Variants in RPAP3 observed in about 807,000 individuals in gnomAD.
RPAP3 encodes RNA polymerase II associated protein 3.
A neutral mutation model predicts 88.8 loss-of-function variants in RPAP3; 58 were observed. The observed-to-expected ratio is 0.65, with a 90% CI of 0.53 to 0.81. RPAP3 has a LOEUF of 0.81. RPAP3 is among the 40% of genes least tolerant of loss of function. The pLI is 0.00. For missense variants in RPAP3, 751 were observed against 764.3 expected, an observed-to-expected ratio of 0.98 and a Z score of 0.20; for synonymous variants, 255 against 259.9, an observed-to-expected ratio of 0.98 and a Z score of 0.18.
intron 5 of RPAP3, among the ~76,000 whole-genome samples, chr12:47,691,393 A>G (rs1235655154): frequency 6.6e-6 from 1 of 152,192 alleles, no homozygotes; most frequent in Non-Finnish European, 1.5e-5. Flanking sequence ...CCTCAAAGTC[A>G]TCCATAAGAG....
chr12:47,688,113 A>G (rs935701172), intron 7 of RPAP3, 112 bp from the exon 8 acceptor site: 1 of 924,954 alleles, frequency 1.1e-6, no homozygotes, highest in African/African-American at 1.7e-5. Flanking sequence ...CACATTTTAA[A>G]TAATCAAAAT....
chr12:47,682,301 A>C (rs1469154289), intron 9 of RPAP3, among the ~76,000 whole-genome samples: 1 of 152,198 alleles, frequency 6.6e-6, no homozygotes, highest in Non-Finnish European at 1.5e-5. Flanking sequence ...AATTCTACTC[A>C]GCCATGCAAC....
In RPAP3 at chr12:47,679,583, C is replaced by G. The variant is rs1388535551; in HGVS notation, c.1197G>C (p.Glu399Asp). The G allele has an allele frequency of 6.3e-7, 1 of 1,598,724 alleles. No individual in the cohort carries two copies. Residue 399 changes from glutamate to aspartate, a missense_variant, in exon 12 of 17, where the codon GAG becomes GAC. Glu to Asp is a conservative substitution (Grantham distance 45). Transcript: ENST00000005386. ...ELSKIKKELI[E>D]KGHWDDVFLD... is the part of the protein sequence containing the mutation. ...GAAAGACATCATCCCAGTGTCCTTT[C>G]TCAATTAATTCCTTGAAAATAAATT...
chr12:47,674,514 G>A (rs562664379), intron 12 of RPAP3, among the ~76,000 whole-genome samples: 9 of 152,168 alleles, frequency 5.9e-5, no homozygotes, highest in African/African-American at 1.2e-4. Flanking sequence ...AAGATTAGAC[G>A]AATGACTAAC....
chr12:47,691,659 A>C (rs1939431679), intron 5 of RPAP3, among the ~76,000 whole-genome samples: 1 of 152,246 alleles, frequency 6.6e-6, no homozygotes, highest in Non-Finnish European at 1.5e-5. Flanking sequence ...AGGAGGCATG[A>C]AAACAACATT....
At chr12:47,688,815 T>G (rs534558218) in intron 7 of RPAP3, among the ~76,000 whole-genome samples, 1 of 152,328 alleles carries the variant, frequency 6.6e-6, no homozygotes, top group Non-Finnish European at 1.5e-5. Flanking sequence ...TCTCTCAATG[T>G]TTCAGTCAGT....
rs185111266 is a variant in RPAP3 at position 47,665,062 on chromosome 12, G to A, written c.1913-1472C>T. 5.9e-5 allele frequency among the ~76,000 whole-genome samples: 9 copies of A among 151,624 alleles called. No individual in the cohort carries two copies. The East Asian group carries it at 1.4e-3, about 23-fold the overall frequency. ...CGTTGAGAGAACAGCCAAAGTCCTC[G>A]AGGCCAAAATAAGTTTGGCAGTTTG... is the stretch of plus-strand genomic sequence containing the variant. On this transcript the variant is annotated intron_variant, in intron 16 of 16. Transcript: ENST00000005386.
intron 5 of RPAP3, among the ~76,000 whole-genome samples, chr12:47,694,646 T>C (rs1167272470): frequency 8.1e-6 from 1 of 123,642 alleles, no homozygotes; most frequent in African/African-American, 3.1e-5. Flanking sequence ...AATAAATCAA[T>C]AGGAAAAGCC....
At chr12:47,667,923 T>C in intron 14 of RPAP3, 72 bp from the exon 15 acceptor site, 1 of 1,000,786 alleles carries the variant, frequency 1.0e-6, no homozygotes, top group Non-Finnish European at 1.5e-6. Context: ...AACAATTGCT[T>C]GGGTAAAAAT....
intron 1 of RPAP3, among the ~76,000 whole-genome samples, chr12:47,704,772 T>C (rs1486777892): frequency 2.0e-5 from 3 of 150,476 alleles, no homozygotes; most frequent in African/African-American, 7.3e-5. Flanking sequence ...GAGGCAGAGG[T>C]TGGGGGGCAG....
At position 47,688,233 on chromosome 12, in the gene RPAP3, G is replaced by A. The variant is rs995972464; in HGVS notation, c.739-232C>T. Among the ~76,000 whole-genome samples, 9 of 151,826 alleles carry A rather than the reference G, an allele frequency of 5.9e-5. No individual in the cohort carries two copies. In the South Asian group the frequency reaches 8.3e-4, roughly 14 times the overall value. On this transcript the variant is annotated intron_variant, in intron 7 of 16. Coordinates refer to ENST00000005386, the MANE Select transcript of RPAP3 (RefSeq NM_024604.3). Reference sequence around the variant, plus strand: ...ATTTCAATTAAAATTAGTATCAAACGCCACATACTGCATGTTTTGACTTAT... The same window carrying A: ...ATTTCAATTAAAATTAGTATCAAACACCACATACTGCATGTTTTGACTTAT...
intron 16 of RPAP3, chr12:47,664,960 A>C (rs1938839602): frequency 6.6e-6 from 1 of 152,260 alleles, no homozygotes; most frequent in Admixed American, 6.5e-5. Context: ...TCAGTGAAGA[A>C]AGACATCTTT....
chr12:47,674,062 A>G (rs1939058283), intron 12 of RPAP3, among the ~76,000 whole-genome samples: 1 of 143,752 alleles, frequency 7.0e-6, no homozygotes, highest in Admixed American at 7.3e-5. Context: ...CAGTAATCCT[A>G]GGAAGTATTT....
chr12:47,666,705 T>TA (rs1247169936), intron 16 of RPAP3, among the ~76,000 whole-genome samples: 2 of 152,186 alleles, frequency 1.3e-5, no homozygotes, highest in Non-Finnish European at 2.9e-5. Context: ...GCAAGTTTCT[T>TA]AGCCTCTCTA....
intron 7 of RPAP3, among the ~76,000 whole-genome samples, 157 bp from the exon 8 acceptor site, chr12:47,688,158 TATTA>T (rs1182814376): frequency 1.3e-5 from 2 of 152,220 alleles, no homozygotes; most frequent in African/African-American, 4.8e-5. Context: ...TCTTTCTACT[TATTA>T]AAGTAAAAAG....
intron 5 of RPAP3, among the ~76,000 whole-genome samples, chr12:47,693,372 T>C (rs1355740982): frequency 6.6e-6 from 1 of 152,120 alleles, no homozygotes; most frequent in Admixed American, 6.5e-5. Flanking sequence ...AGATCCCTGA[T>C]CAGAGATCAC....
rs1013870747 is a variant in RPAP3 at position 47,686,732 on chromosome 12, A to C, written c.992+48T>G. The C allele has an allele frequency of 2.9e-6, 4 of 1,359,592 alleles. No homozygotes were observed. The African/African-American group carries it at 4.5e-5, about 15-fold the overall frequency. The allele number at this position is 1,359,592 out of a possible 1,614,324, so 84.2% of individuals were successfully genotyped here. On this transcript the variant is annotated intron_variant, in intron 9 of 16. Coordinates refer to ENST00000005386, the MANE Select transcript of RPAP3 (RefSeq NM_024604.3). The stretch of plus-strand genomic sequence containing the variant: ...ACTTATGGTAAAAATTTACCAATTT[A>C]TTGTAAATTTTTATCCTGAACAGCA...
chr12:47,689,928 A>C (rs146155104), intron 6 of RPAP3, among the ~76,000 whole-genome samples: 89 of 151,778 alleles, frequency 5.9e-4, no homozygotes, highest in African/African-American at 2.0e-3. Context: ...GTAATCCCGG[A>C]TACTTGGGAG....
chr12:47,687,005 A>C (rs1939340292), intron 8 of RPAP3, 98 bp from the exon 9 acceptor site: 2 of 676,874 alleles, frequency 3.0e-6, no homozygotes, highest in Non-Finnish European at 4.6e-6. Context: ...ATTCACCAAC[A>C]GTATTTCAAG....
Sources: gnomAD v4.1 joint callset for allele counts (sites outside exome capture counted in the v4.1 genomes callset) on GRCh38, gnomAD v4.1.1 for gene constraint, MANE v1.5 for transcripts, NCBI Gene and HGNC (gene_info 2026-07-23, HGNC 2026-07-21) for gene names.